The following KCNQ5 variants were observed in gnomAD, a reference collection of about 807,000 sequenced individuals.
KCNQ5 encodes the protein potassium voltage-gated channel subfamily Q member 5, also known as potassium voltage-gated channel subfamily KQT member 5.
In KCNQ5, 30 loss-of-function variants were observed where a neutral mutation model predicts 98.2. The ratio of observed to expected loss-of-function variants is 0.31; its 90% CI spans 0.23 to 0.41. The LOEUF (loss-of-function observed/expected upper bound fraction) is 0.41. KCNQ5 is among the 10% of genes least tolerant of loss of function. KCNQ5 has a pLI of 1.00. For synonymous variants in KCNQ5, 458 were observed against 449.4 expected (o/e 1.02, Z -0.24); for missense variants, 835 against 1,182.5 (o/e 0.71, Z 4.31).
intron 1 of KCNQ5, among the ~76,000 whole-genome samples, chr6:72,872,722 C>T (rs976145782): frequency 2.6e-5 from 4 of 151,932 alleles, no homozygotes; most frequent in African/African-American, 7.2e-5. Context: ...TTTCATTTCG[C>T]GAATTGTACA....
intron 1 of KCNQ5, among the ~76,000 whole-genome samples, chr6:72,982,996 G>T (rs968595373): frequency 2.0e-5 from 3 of 152,140 alleles, no homozygotes; most frequent in African/African-American, 7.2e-5. Flanking sequence ...TTGAATATTT[G>T]CCCCCACTCT....
At chr6:73,063,274 C>T (rs1772864092) in intron 3 of KCNQ5, among the ~76,000 whole-genome samples, 3 of 151,998 alleles carry the variant, frequency 2.0e-5, no homozygotes, top group Admixed American at 1.3e-4. Context: ...AAAGTGAGTC[C>T]GAAGGAGGAT....
chr6:72,885,510 G>A (rs1434555292), intron 1 of KCNQ5, among the ~76,000 whole-genome samples: 1 of 152,096 alleles, frequency 6.6e-6, no homozygotes, highest in Non-Finnish European at 1.5e-5. Flanking sequence ...TATAAAATGG[G>A]AAATTTGAAG....
At position 72,643,705 on chromosome 6, in the gene KCNQ5, T is replaced by C. The variant is rs1393026542; in HGVS notation, c.398+21118T>C. 2.0e-5 allele frequency among the ~76,000 whole-genome samples: 3 copies of C among 152,250 alleles called. No homozygotes were observed. In the East Asian group the frequency reaches 5.8e-4, roughly 29 times the overall value. ...GGTCACAAGCATTTCAGATAAGGGA[T>C]ACTCAAACCTATCAATCTGTTAAAC... On this transcript the variant is annotated intron_variant, in intron 1 of 13. Transcript: ENST00000370398.
chr6:73,011,603 G>GA (rs1445770629), intron 2 of KCNQ5, among the ~76,000 whole-genome samples: 1 of 151,692 alleles, frequency 6.6e-6, no homozygotes, highest in East Asian at 1.9e-4. Context: ...GGCAACAAAA[G>GA]AAAAAAACAG....
intron 1 of KCNQ5, among the ~76,000 whole-genome samples, chr6:72,746,379 A>G (rs576294447): frequency 6.6e-6 from 1 of 152,188 alleles, no homozygotes; most frequent in South Asian, 2.1e-4. Context: ...TCTCTTTCTC[A>G]TGATTTTCTC....
chr6:73,012,648 A>G (rs926539928), intron 2 of KCNQ5, among the ~76,000 whole-genome samples: 1 of 152,040 alleles, frequency 6.6e-6, no homozygotes, highest in Non-Finnish European at 1.5e-5. Flanking sequence ...TTTTACCACA[A>G]TAAAAAAATT....
In KCNQ5 at chr6:72,910,440, A is replaced by G. The variant is rs551649940; in HGVS notation, c.399-93468A>G. ...ATATTATAAGAATTGCATTTTTTCT[A>G]CTGCTGCCTATGGACCATTCTCTTA... On this transcript the variant is annotated intron_variant, in intron 1 of 13. Coordinates refer to ENST00000370398, the MANE Select transcript of KCNQ5 (RefSeq NM_019842.4). Among the ~76,000 whole-genome samples, 4 of 152,212 alleles carry G rather than the reference A, an allele frequency of 2.6e-5. No homozygotes were observed. In the East Asian group the frequency reaches 7.7e-4, roughly 29 times the overall value.
intron 1 of KCNQ5, among the ~76,000 whole-genome samples, chr6:72,736,795 G>A (rs1441033825): frequency 5.3e-5 from 8 of 151,752 alleles, no homozygotes; most frequent in Non-Finnish European, 1.0e-4. Context: ...CACCGCGCCC[G>A]GCCGTAAAAA....
At chr6:73,021,554 G>T (rs1003812162) in intron 2 of KCNQ5, among the ~76,000 whole-genome samples, 2 of 151,886 alleles carry the variant, frequency 1.3e-5, no homozygotes, top group Non-Finnish European at 2.9e-5. Flanking sequence ...TTATTGTTTT[G>T]TTCATCACTT....
At chr6:72,977,570 T>C (rs980045878) in intron 1 of KCNQ5, among the ~76,000 whole-genome samples, 1 of 152,158 alleles carries the variant, frequency 6.6e-6, no homozygotes, top group African/African-American at 2.4e-5. Flanking sequence ...GGAAGACCTA[T>C]GCAGGCTGAA....
intron 1 of KCNQ5, among the ~76,000 whole-genome samples, chr6:72,717,963 A>G (rs1039293258): frequency 2.6e-5 from 4 of 152,298 alleles, no homozygotes; most frequent in Admixed American, 1.3e-4. Context: ...CTTCCACGGT[A>G]TGACCTCACA....
In KCNQ5 at chr6:73,194,434, C is replaced by T; in HGVS notation, c.1837-18C>T. The stretch of plus-strand genomic sequence containing the variant: ...ATAACAGATTATACTCATGTGTAAC[C>T]ATTTTCCTCACTTCTAGGTACAGTC... On this transcript the variant is annotated intron_variant, in intron 13 of 13. Transcript: ENST00000370398. 1 of 1,587,432 alleles carries T rather than the reference C, an allele frequency of 6.3e-7. No individual in the cohort carries two copies. The highest frequency in any genetic ancestry group is 8.6e-7 in the Non-Finnish European group (1 of 1,165,436).
intron 1 of KCNQ5, among the ~76,000 whole-genome samples, chr6:72,947,090 G>A (rs145116557): frequency 7.2e-5 from 11 of 152,188 alleles, no homozygotes; most frequent in South Asian, 6.2e-4. Context: ...AGTATTAACC[G>A]CAGCTGTATC....
intron 2 of KCNQ5, among the ~76,000 whole-genome samples, chr6:73,023,192 C>G (rs1195204357): frequency 6.6e-6 from 1 of 152,052 alleles, no homozygotes; most frequent in Non-Finnish European, 1.5e-5. Flanking sequence ...TGAGGCCAAG[C>G]CATCAAGGGG....
chr6:73,028,886 T>C (rs1771008553), intron 2 of KCNQ5, among the ~76,000 whole-genome samples: 1 of 152,184 alleles, frequency 6.6e-6, no homozygotes, highest in East Asian at 1.9e-4. Flanking sequence ...TAGGAATAAG[T>C]CTACAACCAA....
intron 1 of KCNQ5, among the ~76,000 whole-genome samples, chr6:72,659,903 A>G (rs1402467785): frequency 6.6e-6 from 1 of 152,188 alleles, no homozygotes; most frequent in Non-Finnish European, 1.5e-5. Context: ...TGATAAAATA[A>G]TCCTTCATGA....
At chr6:72,809,748 C>A (rs73756524) in intron 1 of KCNQ5, among the ~76,000 whole-genome samples, 3,849 of 152,268 alleles carry the variant, frequency 0.025, 147 homozygotes, top group African/African-American at 0.086. Context: ...TAGTGACAGT[C>A]ATTCTGGATA....
At chr6:72,714,619 A>T (rs184994093) in intron 1 of KCNQ5, among the ~76,000 whole-genome samples, 2 of 152,300 alleles carry the variant, frequency 1.3e-5, no homozygotes, top group East Asian at 3.9e-4. Flanking sequence ...TATCATGAGT[A>T]TGGATAGTTA....
Sources: allele counts gnomAD v4.1 joint callset (sites outside exome capture counted in the v4.1 genomes callset), GRCh38; gene constraint gnomAD v4.1.1; transcripts MANE v1.5; gene names NCBI Gene and HGNC (gene_info 2026-07-23, HGNC 2026-07-21).